The following RTL4 variants were observed in gnomAD, a reference collection of about 807,000 sequenced individuals.
RTL4 encodes the protein retrotransposon Gag like 4, also known as retrotransposon Gag-like protein 4.
Under a neutral mutation model 5.3 loss-of-function variants are expected in RTL4, and 4 were observed. That is an observed-to-expected ratio of 0.75 (90% CI 0.37 to 1.72). The LOEUF (loss-of-function observed/expected upper bound fraction) is 1.72, where lower values mean the gene tolerates loss of function less well. Ranked by LOEUF, RTL4 falls within the 40% of genes most tolerant of loss-of-function variation. RTL4 has a pLI of 0.04. For missense variants in RTL4, 260 were observed against 227.1 expected (o/e 1.14, Z -0.93); for synonymous variants, 98 against 87.3 (o/e 1.12, Z -0.68).
chrX:112,420,873 C>T, the RTL4 span, among the ~76,000 whole-genome samples: 2 of 112,024 alleles, frequency 1.8e-5, no homozygotes, highest in Non-Finnish European at 3.8e-5. Context: ...CTACATCTTA[C>T]ATTCTTTGCT....
At chrX:112,397,876 A>C in the RTL4 span, among the ~76,000 whole-genome samples, 1 of 112,020 alleles carries the variant, frequency 8.9e-6, no homozygotes, top group Non-Finnish European at 1.9e-5. Context: ...ACTTATTTCT[A>C]GTAGCTTTTT....
exon 1 of RTL4, chrX:112,455,245 C>A (rs1337553879): frequency 4.1e-6 from 5 of 1,209,502 alleles, no homozygotes; most frequent in Non-Finnish European, 5.6e-6. Context: ...CGCTCAAAAT[C>A]TGATCTGTAA....
At chrX:112,241,116 C>G in the RTL4 span, among the ~76,000 whole-genome samples, 1 of 110,770 alleles carries the variant, frequency 9.0e-6, no homozygotes, top group Non-Finnish European at 1.9e-5. Flanking sequence ...GTGAATAGTG[C>G]CAAATAAACA....
At chrX:112,226,540 G>T in the RTL4 span, among the ~76,000 whole-genome samples, 1 of 111,573 alleles carries the variant, frequency 9.0e-6, no homozygotes, top group African/African-American at 3.3e-5. Context: ...TCAAATTCCA[G>T]CTCCAATATT....
the RTL4 span, among the ~76,000 whole-genome samples, chrX:112,310,383 TATATA>T: frequency 6.5e-4 from 14 of 21,547 alleles, no homozygotes; most frequent in South Asian, 0.047. Flanking sequence ...TATATATATA[TATATA>T]TATATATATA....
At chrX:112,088,148 G>A in the RTL4 span, among the ~76,000 whole-genome samples, 2 of 109,265 alleles carry the variant, frequency 1.8e-5, no homozygotes, top group African/African-American at 6.7e-5. Flanking sequence ...ACCGCGCCTG[G>A]CTCCAAAACA....
At chrX:112,449,599 C>T (rs767351992), upstream of RTL4, among the ~76,000 whole-genome samples, 7 of 111,439 alleles carry the variant, frequency 6.3e-5, no homozygotes, top group Non-Finnish European at 1.1e-4. Context: ...CAGGAGTGAG[C>T]CCAAGAATCT....
chrX:112,161,844 C>CCTTCCTTTCTTTCTTTCTTTCTTT, the RTL4 span, among the ~76,000 whole-genome samples: 53 of 40,043 alleles, frequency 1.3e-3, no homozygotes, highest in African/African-American at 4.8e-3. Flanking sequence ...TTCCTTCCTT[C>CCTTCCTTTCTTTCTTTCTTTCTTT]CTTTCTTTCT....
the RTL4 span, among the ~76,000 whole-genome samples, chrX:112,176,003 C>T: frequency 9.0e-6 from 1 of 110,579 alleles, no homozygotes; most frequent in Non-Finnish European, 1.9e-5. Flanking sequence ...CCAAAATCTC[C>T]TTAAGCTGAT....
the RTL4 span, among the ~76,000 whole-genome samples, chrX:112,249,976 CTTGAAAAT>C: frequency 6.3e-5 from 7 of 110,528 alleles, no homozygotes; most frequent in Admixed American, 6.7e-4. Flanking sequence ...CATGTGGAGG[CTTGAAAAT>C]TGGATAACAG....
the RTL4 span, among the ~76,000 whole-genome samples, chrX:112,224,520 T>G: frequency 3.7e-4 from 40 of 109,047 alleles, 1 homozygote; most frequent in Non-Finnish European, 1.3e-4. Flanking sequence ...TTTTGTATTT[T>G]CAGTAGAGAC....
the RTL4 span, among the ~76,000 whole-genome samples, chrX:112,411,756 G>T: frequency 1.8e-5 from 2 of 110,891 alleles, no homozygotes; most frequent in Admixed American, 9.6e-5. Flanking sequence ...CATACTAAAT[G>T]GGGAAAATCT....
the RTL4 span, among the ~76,000 whole-genome samples, chrX:112,229,668 C>CA: frequency 1.1e-3 from 124 of 111,971 alleles, 3 homozygotes; most frequent in Non-Finnish European, 2.8e-4. Context: ...AAATTAATCA[C>CA]AAAAAATCTC....
chrX:112,202,624 G>C, the RTL4 span, among the ~76,000 whole-genome samples: 2 of 107,358 alleles, frequency 1.9e-5, no homozygotes, highest in Non-Finnish European at 3.8e-5. Flanking sequence ...GAAGTGGCGC[G>C]ATCTCAGCTC....
At chrX:112,356,522 C>T in the RTL4 span, among the ~76,000 whole-genome samples, 4 of 110,253 alleles carry the variant, frequency 3.6e-5, no homozygotes, top group Non-Finnish European at 1.9e-5. Flanking sequence ...GAGAATACCA[C>T]GTTGTGTGTA....
chrX:112,330,583 A>G, the RTL4 span, among the ~76,000 whole-genome samples: 1 of 110,978 alleles, frequency 9.0e-6, no homozygotes, highest in African/African-American at 3.3e-5. Flanking sequence ...CATACTGCCC[A>G]AGGTAATTTA....
chrX:112,421,391 A>C, the RTL4 span, among the ~76,000 whole-genome samples: 1 of 112,070 alleles, frequency 8.9e-6, no homozygotes, highest in Non-Finnish European at 1.9e-5. Flanking sequence ...AGTCCTGGCA[A>C]ATGATAATCT....
the RTL4 span, among the ~76,000 whole-genome samples, chrX:112,298,816 G>T: frequency 8.9e-6 from 1 of 112,463 alleles, no homozygotes; most frequent in East Asian, 2.8e-4. Context: ...CGGCACTCAG[G>T]TGCATGTTAC....
the RTL4 span, among the ~76,000 whole-genome samples, chrX:112,241,375 G>A: frequency 6.3e-5 from 7 of 111,248 alleles, no homozygotes; most frequent in Non-Finnish European, 3.8e-5. Flanking sequence ...ACTTTTTAAT[G>A]ATCGCCATTC....
Sources: gnomAD v4.1 joint callset for allele counts (sites outside exome capture counted in the v4.1 genomes callset) on GRCh38, gnomAD v4.1.1 for gene constraint, MANE v1.5 for transcripts, NCBI Gene and HGNC (gene_info 2026-07-23, HGNC 2026-07-21) for gene names.